DGKK: variants seen among roughly 807,000 people sequenced by gnomAD.
The protein encoded by DGKK is 142 kDa diacylglycerol kinase.
In DGKK, 35 loss-of-function variants were observed where a neutral mutation model predicts 92.2. The ratio of observed to expected loss-of-function variants is 0.38; its 90% CI spans 0.29 to 0.50. The LOEUF is 0.50. Among genes scored for constraint, DGKK ranks in the 20% least tolerant of loss-of-function variants. The pLI, the probability that DGKK is intolerant of heterozygous loss-of-function variation, is 0.92. For missense variants in DGKK, 910 were observed against 992.2 expected (o/e 0.92, Z 1.11); for synonymous variants, 368 against 360.6 (o/e 1.02, Z -0.23).
chrX:50,449,763 A>T (rs1317281638), intron 1 of DGKK, among the ~76,000 whole-genome samples: 1 of 111,479 alleles, frequency 9.0e-6, no homozygotes, highest in East Asian at 2.9e-4. Context: ...TTCTTGACTG[A>T]CTTCTCCAGC....
chrX:50,371,313 A>G (rs1924119521), intron 26 of DGKK, among the ~76,000 whole-genome samples: 1 of 112,121 alleles, frequency 8.9e-6, no homozygotes, highest in Non-Finnish European at 1.9e-5. Flanking sequence ...ACCATTTAGA[A>G]CAGGTATTGG....
At chrX:50,414,538 T>C (rs1187869583) in intron 4 of DGKK, among the ~76,000 whole-genome samples, 1 of 111,491 alleles carries the variant, frequency 9.0e-6, no homozygotes, top group African/African-American at 3.3e-5. Flanking sequence ...TTAATCAGTT[T>C]TATTTTGATT....
intron 2 of DGKK, among the ~76,000 whole-genome samples, chrX:50,423,344 G>T (rs781834263): frequency 1.8e-5 from 2 of 111,842 alleles, no homozygotes; most frequent in East Asian, 5.6e-4. Flanking sequence ...CAAGATAAGT[G>T]TGTTACATCT....
chrX:50,439,137 G>T (rs1926107267), intron 1 of DGKK, among the ~76,000 whole-genome samples: 2 of 111,719 alleles, frequency 1.8e-5, no homozygotes, highest in South Asian at 7.4e-4. Flanking sequence ...AATGAAAAAG[G>T]TATTCTCAAA....
chrX:50,375,270 G>A (rs1924242231), intron 24 of DGKK, among the ~76,000 whole-genome samples: 1 of 111,905 alleles, frequency 8.9e-6, no homozygotes, highest in Non-Finnish European at 1.9e-5. Flanking sequence ...TGGTACAGTA[G>A]TTGTGTAGTA....
intron 1 of DGKK, 36 bp downstream of exon 1, chrX:50,469,998 G>A (rs782499579): frequency 8.6e-7 from 1 of 1,160,170 alleles, no homozygotes; most frequent in South Asian, 2.1e-5. Context: ...ACTTCGCCTT[G>A]CTTCTTTTCC....
At chrX:50,447,357 AATATATATATATTAT>A (rs1351405379) in intron 1 of DGKK, among the ~76,000 whole-genome samples, 3 of 8,170 alleles carry the variant, frequency 3.7e-4, no homozygotes, top group African/African-American at 6.7e-4. Context: ...ATATATATAT[AATATATATATATTAT>A]ATATATATAT....
At chrX:50,409,499 G>T (rs1557227667) in intron 4 of DGKK, among the ~76,000 whole-genome samples, 1 of 111,845 alleles carries the variant, frequency 8.9e-6, no homozygotes, top group Non-Finnish European at 1.9e-5. Context: ...ATCATTACAG[G>T]TCTTCTTACT....
intron 17 of DGKK, among the ~76,000 whole-genome samples, chrX:50,383,203 T>C (rs2147121081): frequency 1.8e-5 from 2 of 112,186 alleles, no homozygotes; most frequent in South Asian, 7.6e-4. Flanking sequence ...AAACTGATTA[T>C]GCATATCTCT....
intron 1 of DGKK, among the ~76,000 whole-genome samples, chrX:50,440,904 G>A (rs1436725203): frequency 8.9e-6 from 1 of 111,989 alleles, no homozygotes; most frequent in African/African-American, 3.2e-5. Context: ...TATAGAGTAG[G>A]TGGGCATAGC....
chrX:50,366,643 T>C lies in DGKK; in HGVS notation c.*2297A>G, dbSNP rs1923981919. 8.9e-6 allele frequency: 1 copy of C among 112,314 alleles called. No individual in the cohort carries two copies. The highest frequency in any genetic ancestry group is 1.9e-5 in the Non-Finnish European group (1 of 53,262). The allele number at this position is 112,314 out of a possible 1,213,427, so 9.3% of individuals were successfully genotyped here. Reference sequence around the variant, plus strand: ...TCACTGCCAAGATAAAGCTATCTTCTCCCAGGACTTCCTTCTGTAGTCCTA... The same window carrying C: ...TCACTGCCAAGATAAAGCTATCTTCCCCCAGGACTTCCTTCTGTAGTCCTA... On this transcript the variant is annotated 3_prime_UTR_variant, in exon 28 of 28. Transcript: ENST00000611977.
chrX:50,439,724 T>C (rs1926121437), intron 1 of DGKK, among the ~76,000 whole-genome samples: 1 of 111,265 alleles, frequency 9.0e-6, no homozygotes. Flanking sequence ...AAGCACAGAC[T>C]CTTTCCTTCC....
chrX:50,468,114 T>A (rs1557234145), intron 1 of DGKK, among the ~76,000 whole-genome samples: 1 of 112,183 alleles, frequency 8.9e-6, no homozygotes, highest in African/African-American at 3.2e-5. Flanking sequence ...ACTAATCTGA[T>A]TCCCCTTACC....
Position 50,412,206 on chromosome X carries a change from C to T in DGKK, c.943-8022G>A, listed in dbSNP as rs191160017. On this transcript the variant is annotated intron_variant, in intron 4 of 27. Transcript: ENST00000611977. ...AAAGGAAATTAAGAAAACAATCCCACTTACAATAGCAACAAAAAAGAAAAT... is the reference window on the plus strand; with the variant it reads ...AAAGGAAATTAAGAAAACAATCCCATTTACAATAGCAACAAAAAAGAAAAT... 1.5e-3 allele frequency among the ~76,000 whole-genome samples: 167 copies of T among 111,660 alleles called. 2 individuals are homozygous for T. Among genetic ancestry groups the T allele is most frequent in the African/African-American group, 5.4e-3 (165 of 30,773 alleles).
chrX:50,424,338 AGGTCCTTC>A lies in DGKK; in HGVS notation c.658_665del (p.Glu220TyrfsTer6). The A allele has an allele frequency of 8.3e-7, 1 of 1,210,025 alleles. No individual in the cohort carries two copies. The highest frequency in any genetic ancestry group is 1.1e-6 in the Non-Finnish European group (1 of 894,063). On this transcript the variant is annotated frameshift_variant, in exon 2 of 28. Transcript: ENST00000611977. LOFTEE classifies it high-confidence loss of function. The stretch of plus-strand genomic sequence containing the variant: ...TGAAAGAGTTACAGTTCTTCAGCAT[AGGTCCTTC>A]CTTCAATATTTTCTGAAAGATAGAA...
At chrX:50,457,759 G>T (rs138299997) in intron 1 of DGKK, among the ~76,000 whole-genome samples, 141 of 111,357 alleles carry the variant, frequency 1.3e-3, no homozygotes, top group African/African-American at 4.4e-3. Flanking sequence ...GATTACAGAG[G>T]CTTACAGTTA....
chrX:50,380,785 G>A (rs184420698), intron 18 of DGKK, among the ~76,000 whole-genome samples: 28 of 111,625 alleles, frequency 2.5e-4, no homozygotes, highest in Non-Finnish European at 5.6e-5. Flanking sequence ...GTAAAGTAGA[G>A]CCACAGAAAT....
chrX:50,462,425 T>G lies in DGKK; in HGVS notation c.645+7609A>C, dbSNP rs186106756. Among the ~76,000 whole-genome samples the G allele has an allele frequency of 6.3e-4, 66 of 105,072 alleles. No homozygotes were observed. The East Asian group carries it at 0.018, about 28-fold the overall frequency. 91.2% of individuals were successfully genotyped at this position (105,072 alleles called of 115,157 possible). On this transcript the variant is annotated intron_variant, in intron 1 of 27. Coordinates refer to ENST00000611977, the MANE Select transcript of DGKK (RefSeq NM_001013742.4). ...TTTTTTTTTTTTGAGGCTTTTTTTC[T>G]GTCTTTGCTTTTTCTTTTAAAAAAT...
intron 4 of DGKK, 56 bp downstream of exon 4, chrX:50,420,347 T>C: frequency 9.3e-7 from 1 of 1,075,531 alleles, no homozygotes. Context: ...GCTTAACTAA[T>C]GCAATTAATT....
Sources: gnomAD v4.1 joint callset for allele counts (sites outside exome capture counted in the v4.1 genomes callset) on GRCh38, gnomAD v4.1.1 for gene constraint, MANE v1.5 for transcripts, NCBI Gene and HGNC (gene_info 2026-07-23, HGNC 2026-07-21) for gene names.